Variants in TTC23 observed in about 807,000 individuals in gnomAD.
TTC23 encodes the protein tetratricopeptide repeat protein 23.
In TTC23, 58 loss-of-function variants were observed where a neutral mutation model predicts 55.1. The observed-to-expected ratio is 1.05, with a 90% CI of 0.85 to 1.31. The LOEUF is 1.31. Ranked by LOEUF, TTC23 falls within the 50% of genes most tolerant of loss-of-function variation. The probability of loss-of-function intolerance (pLI) is 0.00; values close to 1 mark genes in which losing one functional copy is unlikely to be tolerated. For synonymous variants in TTC23, 203 were observed against 199.9 expected, an observed-to-expected ratio of 1.02 and a Z score of -0.13; for missense variants, 516 against 534.4, an observed-to-expected ratio of 0.97 and a Z score of 0.34.
chr15:99,147,555 G>A (rs2069095803), intron 12 of TTC23, among the ~76,000 whole-genome samples: 1 of 152,172 alleles, frequency 6.6e-6, no homozygotes, highest in South Asian at 2.1e-4. Context: ...AAATAAGAAT[G>A]AATGACCATG....
intron 10 of TTC23, among the ~76,000 whole-genome samples, chr15:99,165,529 G>C (rs1005195596): frequency 6.6e-6 from 1 of 152,252 alleles, no homozygotes; most frequent in Non-Finnish European, 1.5e-5. Context: ...CCAGACAGGA[G>C]CAGGAATTGC....
At position 99,175,127 on chromosome 15, in the gene TTC23, G is replaced by A; in HGVS notation, c.788C>T (p.Pro263Leu). 1 of 1,614,130 alleles carries A rather than the reference G, an allele frequency of 6.2e-7. No homozygotes were observed. The change falls in exon 10 of 14, where the codon CCC becomes CTC. Residue 263 changes from proline (P) to leucine (L), a missense_variant. By Grantham distance (98) the Pro-to-Leu change is moderately conservative. Coordinates refer to ENST00000394132, the MANE Select transcript of TTC23 (RefSeq NM_001288615.3). ...CGAGTCTGCTGCCTCCACTTGAGAG[G>A]GGCTTCTACTCAGGATGATAAGATG... ...QAHLIILSRS[P>L]SQVEAADSAH...
chr15:99,223,410 A>G (rs1327249575), intron 5 of TTC23, among the ~76,000 whole-genome samples: 2 of 152,242 alleles, frequency 1.3e-5, no homozygotes, highest in African/African-American at 4.8e-5. Flanking sequence ...AAAAGACACC[A>G]GGGATGGGCA....
At chr15:99,164,114 G>A (rs2071737674) in intron 10 of TTC23, among the ~76,000 whole-genome samples, 1 of 152,208 alleles carries the variant, frequency 6.6e-6, no homozygotes, top group Middle Eastern at 3.2e-3. Context: ...CCTGAACCAA[G>A]AAACCAGCAC....
At chr15:99,170,261 G>C (rs1184822580) in intron 10 of TTC23, among the ~76,000 whole-genome samples, 1 of 152,168 alleles carries the variant, frequency 6.6e-6, no homozygotes, top group Non-Finnish European at 1.5e-5. Context: ...GGATCAGCTT[G>C]TGCGTCGAGA....
At chr15:99,180,276 T>A (rs7176176) in intron 9 of TTC23, among the ~76,000 whole-genome samples, 10,713 of 151,982 alleles carry the variant, frequency 0.07, 406 homozygotes, top group South Asian at 0.089. Flanking sequence ...CTTGGGGTGC[T>A]GGCATGTTGG....
upstream of TTC23, among the ~76,000 whole-genome samples, chr15:99,250,474 A>T (rs2080635416): frequency 6.6e-6 from 1 of 152,232 alleles, no homozygotes; most frequent in Admixed American, 6.5e-5. Context: ...AAACTCATAG[A>T]CAGGCTTTCC....
upstream of TTC23, chr15:99,249,837 A>G (rs1028685965): frequency 7.2e-5 from 11 of 152,214 alleles, no homozygotes; most frequent in Non-Finnish European, 1.0e-4. Flanking sequence ...GATTCTCTAC[A>G]AATTGTGAGA....
intron 9 of TTC23, among the ~76,000 whole-genome samples, chr15:99,190,917 GACT>G (rs1359584667): frequency 6.6e-6 from 1 of 152,144 alleles, no homozygotes; most frequent in Non-Finnish European, 1.5e-5. Context: ...GAGTAGCTGA[GACT>G]ACAGGTGTGC....
intron 10 of TTC23, among the ~76,000 whole-genome samples, chr15:99,172,948 A>C (rs534025092): frequency 1.3e-5 from 2 of 152,340 alleles, no homozygotes; most frequent in African/African-American, 4.8e-5. Flanking sequence ...AGAGTGGCCT[A>C]ACTTCACAGC....
intron 8 of TTC23, among the ~76,000 whole-genome samples, chr15:99,210,751 C>A (rs2076978248): frequency 6.6e-6 from 1 of 152,018 alleles, no homozygotes; most frequent in Non-Finnish European, 1.5e-5. Flanking sequence ...CTGACTGGAC[C>A]AATTTTGGGA....
At chr15:99,222,975 C>T (rs746357639) in intron 5 of TTC23, among the ~76,000 whole-genome samples, 5 of 152,134 alleles carry the variant, frequency 3.3e-5, no homozygotes, top group African/African-American at 1.2e-4. Flanking sequence ...CCAGCCTGGG[C>T]GACACAGCGA....
chr15:99,230,350 G>A (rs71403437), intron 4 of TTC23, among the ~76,000 whole-genome samples: 11,694 of 152,066 alleles, frequency 0.077, 588 homozygotes, highest in Admixed American at 0.13. Flanking sequence ...AAATCAGTGG[G>A]CTGTAAAACA....
intron 1 of TTC23, chr15:99,248,126 A>G (rs2080425336): frequency 6.6e-6 from 1 of 152,194 alleles, no homozygotes; most frequent in Non-Finnish European, 1.5e-5. Flanking sequence ...AAGTGCATCA[A>G]AATTTATATT....
chr15:99,229,231 T>G (rs73469362), intron 4 of TTC23, among the ~76,000 whole-genome samples: 1 of 152,018 alleles, frequency 6.6e-6, no homozygotes, highest in African/African-American at 2.4e-5. Context: ...TGAAGCCCAA[T>G]TGACCCTGAG....
At chr15:99,230,618 A>G (rs1232407504) in intron 4 of TTC23, among the ~76,000 whole-genome samples, 1 of 152,204 alleles carries the variant, frequency 6.6e-6, no homozygotes, top group African/African-American at 2.4e-5. Context: ...TAGAGAAAAA[A>G]GACACATTAC....
chr15:99,145,621 GTGTT>G lies in TTC23; in HGVS notation c.1144-6226_1144-6223del, dbSNP rs566685967. On this transcript the variant is annotated intron_variant, in intron 12 of 13. Transcript: ENST00000394132. ...GGCTCACAGGGAGAAGGAATTCCGA[GTGTT>G]TGTTTGAGAGACCACACCCCTGCAT... is the stretch of plus-strand genomic sequence containing the variant. Among the ~76,000 whole-genome samples, 222 of 152,148 alleles carry G rather than the reference GTGTT, an allele frequency of 1.5e-3. 1 individual carries two copies. The highest frequency in any genetic ancestry group is 2.3e-3 in the South Asian group (11 of 4,822).
Position 99,249,220 on chromosome 15 carries a change from C to A in TTC23, c.-480G>T, listed in dbSNP as rs1019525534. 2 of 152,246 alleles carry A rather than the reference C, an allele frequency of 1.3e-5. No individual in the cohort carries two copies. Among genetic ancestry groups the A allele is most frequent in the African/African-American group, 4.8e-5 (2 of 41,550 alleles). The allele number at this position is 152,246 out of a possible 1,614,324, so 9.4% of individuals were successfully genotyped here. ...GGGCATGATGCTTTCAAACTTCACC[C>A]TAAAGAGAAAAATGCTCTCTGAACA... On this transcript the variant is annotated 5_prime_UTR_variant, in exon 1 of 14. It adds an upstream start codon to the 5' untranslated region. Coordinates refer to ENST00000394132, the MANE Select transcript of TTC23 (RefSeq NM_001288615.3).
intron 8 of TTC23, among the ~76,000 whole-genome samples, chr15:99,205,128 G>A (rs1356605446): frequency 7.9e-5 from 12 of 151,976 alleles, no homozygotes; most frequent in African/African-American, 2.7e-4. Context: ...ATTTATTTCC[G>A]GGGTTTCTAT....
Sources: gnomAD v4.1 joint callset for allele counts (sites outside exome capture counted in the v4.1 genomes callset) on GRCh38, gnomAD v4.1.1 for gene constraint, MANE v1.5 for transcripts, NCBI Gene and HGNC (gene_info 2026-07-23, HGNC 2026-07-21) for gene names.